Variants in RNF149 observed in about 807,000 individuals in gnomAD.
The protein encoded by RNF149 is E3 ubiquitin-protein ligase RNF149.
Under a neutral mutation model 39.0 loss-of-function variants are expected in RNF149, and 21 were observed. That is an observed-to-expected ratio of 0.54 (90% CI 0.38 to 0.77). The LOEUF (loss-of-function observed/expected upper bound fraction) is 0.77, where lower values mean the gene tolerates loss of function less well. Among genes scored for constraint, RNF149 ranks in the 30% least tolerant of loss-of-function variants. The pLI is 0.00. For missense variants in RNF149, 493 were observed against 534.9 expected, an observed-to-expected ratio of 0.92 and a Z score of 0.77; for synonymous variants, 209 against 213.6, an observed-to-expected ratio of 0.98 and a Z score of 0.19.
At chr2:101,300,587 T>G (rs1179479292) in intron 1 of RNF149, among the ~76,000 whole-genome samples, 1 of 152,136 alleles carries the variant, frequency 6.6e-6, no homozygotes, top group Non-Finnish European at 1.5e-5. Context: ...CCAAAGCAGG[T>G]GGATCGCTTG....
chr2:101,281,565 G>C, intron 6 of RNF149: 1 of 368,728 alleles, frequency 2.7e-6, no homozygotes, highest in East Asian at 5.6e-5. Flanking sequence ...ACAGTGACAG[G>C]ATCATAGCTC....
At chr2:101,281,468 T>C in intron 6 of RNF149, 1 of 161,764 alleles carries the variant, frequency 6.2e-6, no homozygotes, top group Non-Finnish European at 1.4e-5. Context: ...TTATTTTCTT[T>C]CACAGCTACT....
At chr2:101,289,609 G>A (rs1251154503) in intron 3 of RNF149, among the ~76,000 whole-genome samples, 1 of 151,618 alleles carries the variant, frequency 6.6e-6, no homozygotes, top group African/African-American at 2.4e-5. Flanking sequence ...GGAGGCTGAG[G>A]CAGGAGAATG....
chr2:101,280,176 AAATAATAAT>A (rs535984877), intron 6 of RNF149, among the ~76,000 whole-genome samples: 3 of 148,222 alleles, frequency 2.0e-5, no homozygotes, highest in African/African-American at 5.0e-5. Context: ...ACTCCATCTC[AAATAATAAT>A]AATAATAATA....
intron 1 of RNF149, among the ~76,000 whole-genome samples, chr2:101,295,713 T>C (rs1485808112): frequency 2.0e-5 from 3 of 150,584 alleles, no homozygotes; most frequent in Admixed American, 2.0e-4. Flanking sequence ...CTGTTCAGTT[T>C]CACAGGTGAA....
chr2:101,291,567 G>A lies in RNF149; in HGVS notation c.780+2447C>T, dbSNP rs1683015171. Among the ~76,000 whole-genome samples the A allele has an allele frequency of 1.3e-5, 2 of 152,034 alleles. 1 individual carries two copies. Among genetic ancestry groups the A allele is most frequent in the South Asian group, 4.1e-4 (2 of 4,828 alleles). ...CAAAGTGCTGGGATTACAGGTGCGA[G>A]CCACCCTGCCAGACCACATTTGATT... On this transcript the variant is annotated intron_variant, in intron 3 of 6. Coordinates refer to ENST00000295317, the MANE Select transcript of RNF149 (RefSeq NM_173647.4).
chr2:101,308,156 T>G lies in RNF149; in HGVS notation c.433A>C (p.Asn145His), dbSNP rs1443617117. ...GCGTGAGACATGGGCAAGGTGATGT[T>G]CCCGTAGCGCTCCTCATTGTAGAGG... Reference protein sequence around the residue: ...VVLYNEERYGNITLPMSHAGT... With the variant: ...VVLYNEERYGHITLPMSHAGT... Residue 145 changes from asparagine (N) to histidine (H), a missense_variant, in exon 1 of 7, where the codon AAC becomes CAC. Asn to His is a moderately conservative substitution (Grantham distance 68). Transcript: ENST00000295317. 12 of 1,609,900 alleles carry G rather than the reference T, an allele frequency of 7.5e-6. No homozygotes were observed. The highest frequency in any genetic ancestry group is 5.0e-5 in the Admixed American group (3 of 59,932).
intron 1 of RNF149, among the ~76,000 whole-genome samples, chr2:101,305,821 G>T (rs557394797): frequency 4.6e-5 from 7 of 152,266 alleles, no homozygotes; most frequent in Non-Finnish European, 7.4e-5. Flanking sequence ...AACTCCTTGA[G>T]CATCAGTTTC....
chr2:101,284,367 G>A (rs529426163), intron 5 of RNF149, among the ~76,000 whole-genome samples: 1 of 151,798 alleles, frequency 6.6e-6, no homozygotes, highest in Non-Finnish European at 1.5e-5. Flanking sequence ...ATCACTTGAG[G>A]CCAGGATTTT....
intron 3 of RNF149, among the ~76,000 whole-genome samples, chr2:101,292,252 T>C (rs1416218286): frequency 6.6e-6 from 1 of 152,184 alleles, no homozygotes; most frequent in African/African-American, 2.4e-5. Flanking sequence ...ACCTCATGGG[T>C]CATTTAGAAA....
Position 101,276,771 on chromosome 2 carries a change from T to TAA in RNF149, c.*465_*466dup, listed in dbSNP as rs368050637. The TAA allele has an allele frequency of 2.2e-5, 20 of 902,382 alleles. No individual in the cohort carries two copies. The highest frequency in any genetic ancestry group is 4.9e-5 in the South Asian group (1 of 20,236). The allele number at this position is 902,382 out of a possible 1,614,324, so 55.9% of individuals were successfully genotyped here. On this transcript the variant is annotated 3_prime_UTR_variant, in exon 7 of 7. Transcript: ENST00000295317. ...TCTCAGTTTACAAGTTTCAAGTTCT[T>TAA]AAAAAAAAAACAACAAAAAAAACCT...
At chr2:101,307,774 C>T in intron 1 of RNF149, 1 of 977,650 alleles carries the variant, frequency 1.0e-6, no homozygotes, top group Non-Finnish European at 1.2e-6. Context: ...TCCTACTCAC[C>T]CCTCCGACTT....
intron 1 of RNF149, among the ~76,000 whole-genome samples, chr2:101,305,897 T>C (rs1197331804): frequency 6.6e-6 from 1 of 152,238 alleles, no homozygotes. Context: ...TGAGTCACTC[T>C]ATGCAGAACA....
intron 4 of RNF149, among the ~76,000 whole-genome samples, chr2:101,288,467 C>A (rs560280831): frequency 6.6e-6 from 1 of 151,982 alleles, no homozygotes; most frequent in South Asian, 2.1e-4. Context: ...TGAACACCTG[C>A]ATCAGCCTCC....
intron 1 of RNF149, among the ~76,000 whole-genome samples, chr2:101,304,462 C>T (rs1683580655): frequency 6.6e-6 from 1 of 152,140 alleles, no homozygotes; most frequent in South Asian, 2.1e-4. Context: ...CCTGTGCATA[C>T]TGGAATTATA....
chr2:101,301,696 T>C (rs1182159832), intron 1 of RNF149, among the ~76,000 whole-genome samples: 1 of 152,202 alleles, frequency 6.6e-6, no homozygotes, highest in Non-Finnish European at 1.5e-5. Flanking sequence ...TTTTTTTGTT[T>C]GTTTTGTTTC....
In RNF149 at chr2:101,308,605, T is replaced by A; in HGVS notation, c.-17A>T. ...CCACGCCATGGCAGCACCGCTGAGCTGACTAGGGGGAGTCAGGGTCACGCG... is the reference window on the plus strand; with the variant it reads ...CCACGCCATGGCAGCACCGCTGAGCAGACTAGGGGGAGTCAGGGTCACGCG... On this transcript the variant is annotated 5_prime_UTR_variant, in exon 1 of 7. Transcript: ENST00000295317. 1 of 1,517,934 alleles carries A rather than the reference T, an allele frequency of 6.6e-7. No individual in the cohort carries two copies. The highest frequency in any genetic ancestry group is 8.8e-7 in the Non-Finnish European group (1 of 1,142,244). The allele number at this position is 1,517,934 out of a possible 1,614,324, so 94.0% of individuals were successfully genotyped here. A position where few individuals can be genotyped will look rare whatever the true frequency, so the allele number is the denominator to read the frequency against.
downstream of RNF149, among the ~76,000 whole-genome samples, chr2:101,275,481 G>A (rs1374600955): frequency 4.1e-5 from 4 of 98,632 alleles, no homozygotes; most frequent in Non-Finnish European, 7.3e-5. Flanking sequence ...TCGCTCTGTC[G>A]CCCAGGCTGG....
At chr2:101,282,178 A>G in intron 5 of RNF149, 121 bp from the exon 6 acceptor site, 3 of 1,411,986 alleles carry the variant, frequency 2.1e-6, no homozygotes, top group Non-Finnish European at 2.8e-6. Context: ...GAATCTGGCA[A>G]AAAGCACATC....
Sources: allele counts gnomAD v4.1 joint callset (sites outside exome capture counted in the v4.1 genomes callset), GRCh38; gene constraint gnomAD v4.1.1; transcripts MANE v1.5; gene names NCBI Gene and HGNC (gene_info 2026-07-23, HGNC 2026-07-21).